FETUB: variants seen among roughly 807,000 people sequenced by gnomAD.
FETUB encodes the protein fetuin-B.
FETUB carries 28 observed loss-of-function variants against 30.9 expected under a neutral mutation model. That is an observed-to-expected ratio of 0.90 (90% CI 0.67 to 1.24). The LOEUF (loss-of-function observed/expected upper bound fraction) is 1.24. Ranked by LOEUF, FETUB falls within the 50% of genes most tolerant of loss-of-function variation. The pLI is 0.00. For synonymous variants in FETUB, 186 were observed against 175.9 expected (o/e 1.06, Z -0.45); for missense variants, 469 against 455.3 (o/e 1.03, Z -0.27).
At chr3:186,639,025 G>A (rs1250087856), upstream of FETUB, among the ~76,000 whole-genome samples, 1 of 152,214 alleles carries the variant, frequency 6.6e-6, no homozygotes, top group Non-Finnish European at 1.5e-5. Flanking sequence ...AATTAGGGCT[G>A]TGCCTCAGTT....
chr3:186,648,095 T>C (rs527594836), intron 5 of FETUB, among the ~76,000 whole-genome samples: 2 of 152,160 alleles, frequency 1.3e-5, no homozygotes, highest in Admixed American at 6.5e-5. Context: ...TGTAGATCAA[T>C]AGAATAAAAT....
intron 3 of FETUB, among the ~76,000 whole-genome samples, chr3:186,644,504 T>C (rs1717329199): frequency 6.6e-6 from 1 of 152,230 alleles, no homozygotes; most frequent in Non-Finnish European, 1.5e-5. Flanking sequence ...TAATATACTA[T>C]ATTATGTGTC....
At chr3:186,636,087 C>T (rs1174790208), upstream of FETUB, 2 of 152,232 alleles carry the variant, frequency 1.3e-5, no homozygotes, top group Non-Finnish European at 2.9e-5. Context: ...TCAGTATACT[C>T]ACCCCCAGGC....
rs759762671 is a variant in FETUB at position 186,652,300 on chromosome 3, A to T, written c.818A>T (p.Gln273Leu). The change falls in exon 7 of 7, where the codon CAG becomes CTG. Residue 273 changes from glutamine (Q) to leucine (L), a missense_variant. Physicochemically the swap from Gln to Leu is moderately radical, Grantham distance 113 (BLOSUM62 -2). Transcript: ENST00000265029. ...ATGSENSAVN[Q>L]KPTNLPKVEE... ...GGAAGTGAAAACTCTGCTGTTAACC[A>T]GAAACCTACAAACCTTCCCAAGGTG... The T allele has an allele frequency of 6.4e-7, 1 of 1,572,736 alleles. No individual in the cohort carries two copies. The highest frequency in any genetic ancestry group is 2.0e-5 in the Admixed American group (1 of 50,124).
chr3:186,651,122 T>A (rs1338047296), intron 5 of FETUB, 96 bp from the exon 6 acceptor site: 2 of 782,438 alleles, frequency 2.6e-6, no homozygotes, highest in East Asian at 5.1e-5. Context: ...AGCATAAAAA[T>A]GTTGATTGGC....
intron 5 of FETUB, among the ~76,000 whole-genome samples, chr3:186,650,347 A>G (rs1022732413): frequency 6.6e-5 from 10 of 152,184 alleles, no homozygotes; most frequent in Non-Finnish European, 2.9e-5. Context: ...ATGTACATAC[A>G]GTATGACTCT....
upstream of FETUB, chr3:186,640,269 T>C: frequency 1.7e-6 from 1 of 605,234 alleles, no homozygotes. Flanking sequence ...CTCAAGGGTC[T>C]AAGGTTAGAA....
At position 186,640,560 on chromosome 3, in the gene FETUB, C is replaced by CG. The variant is rs761995089; in HGVS notation, c.104dup (p.Cys36LeufsTer3). On this transcript the variant is annotated frameshift_variant, in exon 1 of 7. Coordinates refer to ENST00000265029, the MANE Select transcript of FETUB (RefSeq NM_014375.3). LOFTEE classifies it high-confidence loss of function. ...CCTCAACCCCTCGGCTCTGCTCTCC[C>CG]GGGGCTGCAATGACTCAGATGTGCT... 2 of 1,614,176 alleles carry CG rather than the reference C, an allele frequency of 1.2e-6. No homozygotes were observed. Among genetic ancestry groups the CG allele is most frequent in the Admixed American group, 3.3e-5 (2 of 60,026 alleles).
chr3:186,636,603 G>GT (rs1364051709), upstream of FETUB, among the ~76,000 whole-genome samples: 1 of 152,172 alleles, frequency 6.6e-6, no homozygotes, highest in Non-Finnish European at 1.5e-5. Context: ...GCTGATAAAA[G>GT]TAAGAGGAAG....
intron 2 of FETUB, 151 bp from the exon 3 acceptor site, chr3:186,642,320 C>A: frequency 1.7e-6 from 1 of 603,600 alleles, no homozygotes; most frequent in Non-Finnish European, 2.9e-6. Context: ...ACAGTTTGAT[C>A]ATCAACTGCA....
chr3:186,652,334 C>G lies in FETUB; in HGVS notation c.852C>G (p.Ser284=). The G allele has an allele frequency of 1.2e-6, 2 of 1,609,086 alleles. No homozygotes were observed. The highest frequency in any genetic ancestry group is 1.7e-6 in the Non-Finnish European group (2 of 1,178,502). The change falls in exon 7 of 7, where the codon TCC becomes TCG. Residue 284 remains serine (S), a synonymous_variant. Coordinates refer to ENST00000265029, the MANE Select transcript of FETUB (RefSeq NM_014375.3). ...CAAACCTTCCCAAGGTGGAAGAATC[C>G]CAGCAGAAAAACACCCCCCCAACAG... ...KPTNLPKVEE[S]QQKNTPPTDS...
At chr3:186,642,777 A>G (rs1014770856) in intron 3 of FETUB, among the ~76,000 whole-genome samples, 10 of 152,222 alleles carry the variant, frequency 6.6e-5, no homozygotes, top group Admixed American at 2.0e-4. Flanking sequence ...CTACATTTAT[A>G]TGCTGCATCA....
intron 5 of FETUB, among the ~76,000 whole-genome samples, chr3:186,650,035 C>T (rs1230114953): frequency 6.6e-6 from 1 of 151,762 alleles, no homozygotes; most frequent in East Asian, 1.9e-4. Flanking sequence ...CACACACATG[C>T]ACATCACATT....
chr3:186,652,157 C>A (rs1718097313), intron 6 of FETUB, 106 bp from the exon 7 acceptor site: 4 of 1,327,170 alleles, frequency 3.0e-6, no homozygotes, highest in Non-Finnish European at 4.1e-6. Flanking sequence ...TACCTAGTCT[C>A]CCTTTGAAAT....
rs1401810341 is a variant in FETUB, at chr3:186,652,324, T to G, written c.842T>G (p.Val281Gly). 1 of 1,604,870 alleles carries G rather than the reference T, an allele frequency of 6.2e-7. No individual in the cohort carries two copies. Among genetic ancestry groups the G allele is most frequent in the Admixed American group, 1.7e-5 (1 of 58,000 alleles). Residue 281 changes from valine to glycine, a missense_variant, in exon 7 of 7, where the codon GTG becomes GGG. Coordinates refer to ENST00000265029, the MANE Select transcript of FETUB (RefSeq NM_014375.3). Reference sequence around the variant, plus strand: ...CAGAAACCTACAAACCTTCCCAAGGTGGAAGAATCCCAGCAGAAAAACACC... The same window carrying G: ...CAGAAACCTACAAACCTTCCCAAGGGGGAAGAATCCCAGCAGAAAAACACC... ...VNQKPTNLPK[V>G]EESQQKNTPP...
intron 3 of FETUB, among the ~76,000 whole-genome samples, chr3:186,643,443 C>T (rs767927570): frequency 6.6e-6 from 1 of 152,182 alleles, no homozygotes; most frequent in Non-Finnish European, 1.5e-5. Context: ...CTGGTGGATC[C>T]TGTGCAAGTG....
At chr3:186,637,707 A>C (rs999358446), upstream of FETUB, among the ~76,000 whole-genome samples, 1 of 152,272 alleles carries the variant, frequency 6.6e-6, no homozygotes, top group African/African-American at 2.4e-5. Flanking sequence ...AAGAATCTGC[A>C]CCGTGGGAGA....
In FETUB at chr3:186,640,580, T is replaced by C. The variant is rs376148158; in HGVS notation, c.120T>C (p.Asp40=). 1 of 1,613,214 alleles carries C rather than the reference T, an allele frequency of 6.2e-7. No homozygotes were observed. The highest frequency in any genetic ancestry group is 1.7e-5 in the Admixed American group (1 of 60,034). The change falls in exon 1 of 7, where the codon GAT becomes GAC. Residue 40 remains aspartate, a synonymous_variant. Transcript: ENST00000265029. The stretch of plus-strand genomic sequence containing the variant: ...TCTCCCGGGGCTGCAATGACTCAGA[T>C]GTGCTGGCAGTTGCAGGCTTTGCCC... ...ALLSRGCNDS[D]VLAVAGFALR...
intron 5 of FETUB, among the ~76,000 whole-genome samples, chr3:186,650,406 T>C (rs914779873): frequency 2.0e-5 from 3 of 152,120 alleles, no homozygotes; most frequent in Non-Finnish European, 4.4e-5. Context: ...TAGGAATACA[T>C]GAAAAGATAT....
Sources: allele counts gnomAD v4.1 joint callset (sites outside exome capture counted in the v4.1 genomes callset), GRCh38; gene constraint gnomAD v4.1.1; transcripts MANE v1.5; gene names NCBI Gene and HGNC (gene_info 2026-07-23, HGNC 2026-07-21).